CFAP70: variants seen among roughly 807,000 people sequenced by gnomAD.
CFAP70 encodes cilia- and flagella-associated protein 70.
Under a neutral mutation model 137.6 loss-of-function variants are expected in CFAP70, and 81 were observed. The ratio of observed to expected loss-of-function variants is 0.59; its 90% CI spans 0.49 to 0.71. The LOEUF (loss-of-function observed/expected upper bound fraction) is 0.71. Ranked by LOEUF, CFAP70 falls within the 30% of genes least tolerant of loss-of-function variation. The pLI is 0.00. For synonymous variants in CFAP70, 382 were observed against 423.6 expected (o/e 0.90, Z 1.20); for missense variants, 976 against 1,226.7 (o/e 0.80, Z 3.05).
At chr10:73,264,913 A>G (rs570478445) in intron 25 of CFAP70, among the ~76,000 whole-genome samples, 3 of 152,360 alleles carry the variant, frequency 2.0e-5, no homozygotes, top group African/African-American at 7.2e-5. Flanking sequence ...CTCTACAAAA[A>G]GGGACATCAC....
chr10:73,306,264 A>T (rs1048064447), intron 12 of CFAP70, among the ~76,000 whole-genome samples: 2 of 152,072 alleles, frequency 1.3e-5, no homozygotes, highest in South Asian at 2.1e-4. Flanking sequence ...TAGAGAAGAA[A>T]GGGGGAAGAA....
intron 1 of CFAP70, among the ~76,000 whole-genome samples, chr10:73,355,447 G>C (rs1193852574): frequency 6.6e-6 from 1 of 152,106 alleles, no homozygotes; most frequent in Non-Finnish European, 1.5e-5. Flanking sequence ...CAAGCTCAGG[G>C]CTCCCACTGA....
At chr10:73,346,084 A>G (rs953725389) in intron 4 of CFAP70, among the ~76,000 whole-genome samples, 4 of 151,294 alleles carry the variant, frequency 2.6e-5, no homozygotes, top group Non-Finnish European at 5.9e-5. Flanking sequence ...GTTTTAGTAG[A>G]GACGGGGTTT....
In CFAP70 at chr10:73,324,854, G is replaced by A. The variant is rs1375651212; in HGVS notation, c.778-1757C>T. 6.6e-5 allele frequency among the ~76,000 whole-genome samples: 10 copies of A among 152,292 alleles called. No individual in the cohort carries two copies. The East Asian group carries it at 7.7e-4, about 12-fold the overall frequency. ...GACTATGTGAAAAGACCAAATCTAC[G>A]TCTGATTGGTGTACCTGAAAGTGAC... On this transcript the variant is annotated intron_variant, in intron 8 of 26. Coordinates refer to ENST00000310715, the Ensembl canonical transcript of CFAP70.
chr10:73,358,734 T>C (rs1380296358), exon 1 of CFAP70: 5 of 152,540 alleles, frequency 3.3e-5, no homozygotes, highest in Non-Finnish European at 5.9e-5. Flanking sequence ...CTCAGTTATG[T>C]TTTTGACAAC....
intron 25 of CFAP70, among the ~76,000 whole-genome samples, chr10:73,266,047 T>G (rs1316924005): frequency 6.6e-6 from 1 of 152,146 alleles, no homozygotes; most frequent in East Asian, 1.9e-4. Context: ...ACATGGTATA[T>G]CTTTCTATTA....
chr10:73,285,064 T>G (rs1033398492), intron 19 of CFAP70, among the ~76,000 whole-genome samples: 4 of 151,604 alleles, frequency 2.6e-5, no homozygotes, highest in African/African-American at 7.3e-5. Context: ...TTACAAGAGG[T>G]AGGCAAATTA....
At chr10:73,256,348 A>G (rs1589224905) in intron 26 of CFAP70, 21 bp downstream of exon 27, 2 of 1,613,906 alleles carry the variant, frequency 1.2e-6, no homozygotes, top group Admixed American at 1.7e-5. Flanking sequence ...CAGGCAAATG[A>G]CAGAGGCATC....
chr10:73,273,047 G>T (rs2046433843), intron 23 of CFAP70, 30 bp from the exon 25 acceptor site: 2 of 1,488,268 alleles, frequency 1.3e-6, no homozygotes, highest in East Asian at 2.5e-5. Context: ...CTAAGCTACT[G>T]TTCTAGAAGC....
rs183419379 is a variant in CFAP70 at position 73,277,916 on chromosome 10, G to C, written c.2398+263C>G. 2.6e-5 allele frequency among the ~76,000 whole-genome samples: 4 copies of C among 152,262 alleles called. No individual in the cohort carries two copies. In the East Asian group the frequency reaches 7.7e-4, roughly 29 times the overall value. Reference sequence around the variant, plus strand: ...ATAAAAAGGTTTAAAAAGGTATTCAGATCTTCTTGAATGTGAAACACAGTT... The same window carrying C: ...ATAAAAAGGTTTAAAAAGGTATTCACATCTTCTTGAATGTGAAACACAGTT... On this transcript the variant is annotated intron_variant, in intron 20 of 26. Coordinates refer to ENST00000310715, the Ensembl canonical transcript of CFAP70.
chr10:73,256,849 GCCGAC>G (rs2044559560), intron 25 of CFAP70, among the ~76,000 whole-genome samples: 1 of 144,402 alleles, frequency 6.9e-6, no homozygotes, highest in African/African-American at 2.6e-5. Context: ...GTTGCAGTGA[GCCGAC>G]ATCATGCCAC....
chr10:73,343,962 G>GA (rs1026450074), intron 5 of CFAP70, among the ~76,000 whole-genome samples: 8 of 143,050 alleles, frequency 5.6e-5, no homozygotes, highest in African/African-American at 2.3e-4. Flanking sequence ...TACATATGAA[G>GA]AATTTTTTTT....
intron 21 of CFAP70, 181 bp downstream of exon 22, chr10:73,277,059 C>T: frequency 1.6e-6 from 1 of 619,516 alleles, no homozygotes; most frequent in Non-Finnish European, 2.5e-6. Context: ...AGGTCTTCTG[C>T]TGCCATGTGC....
exon 4 of CFAP70, chr10:73,348,491 T>G (rs1171440701): frequency 2.0e-6 from 3 of 1,520,796 alleles, no homozygotes; most frequent in Non-Finnish European, 2.6e-6. Flanking sequence ...TTTCTGTTTC[T>G]TTTCCTTTGG....
chr10:73,321,130 T>C (rs1400360663), intron 9 of CFAP70, among the ~76,000 whole-genome samples: 2 of 152,114 alleles, frequency 1.3e-5, no homozygotes, highest in Non-Finnish European at 2.9e-5. Context: ...TTAAAATAAA[T>C]TCCTGGCCGG....
At chr10:73,345,276 A>C in intron 4 of CFAP70, 32 bp from the exon 6 acceptor site, 2 of 1,588,350 alleles carry the variant, frequency 1.3e-6, no homozygotes, top group Non-Finnish European at 1.7e-6. Flanking sequence ...CAGCATTTTG[A>C]AAATTGCCAG....
intron 9 of CFAP70, among the ~76,000 whole-genome samples, chr10:73,321,705 G>C (rs1219801441): frequency 6.6e-6 from 1 of 151,834 alleles, no homozygotes; most frequent in Non-Finnish European, 1.5e-5. Flanking sequence ...AAAAATTATA[G>C]TTCATATTCT....
chr10:73,308,538 G>A (rs1336635631), intron 12 of CFAP70, among the ~76,000 whole-genome samples: 1 of 149,120 alleles, frequency 6.7e-6, no homozygotes, highest in East Asian at 2.0e-4. Flanking sequence ...TGAGGCAGGA[G>A]AATCACTTGA....
intron 3 of CFAP70, 104 bp downstream of exon 3, chr10:73,353,452 T>C: frequency 9.5e-7 from 1 of 1,057,730 alleles, no homozygotes; most frequent in Non-Finnish European, 1.4e-6. Flanking sequence ...TTCTCATGAT[T>C]TTAGTTACAT....
Sources: gnomAD v4.1 joint callset for allele counts (sites outside exome capture counted in the v4.1 genomes callset) on GRCh38, gnomAD v4.1.1 for gene constraint, MANE v1.5 for transcripts, NCBI Gene and HGNC (gene_info 2026-07-23, HGNC 2026-07-21) for gene names.